APH1B: variants seen among roughly 807,000 people sequenced by gnomAD.
The protein encoded by APH1B is gamma-secretase subunit APH-1B.
In APH1B, 27 loss-of-function variants were observed where a neutral mutation model predicts 28.2. That is an observed-to-expected ratio of 0.96 (90% confidence interval 0.70 to 1.32). The LOEUF (loss-of-function observed/expected upper bound fraction) is 1.32, where lower values mean the gene tolerates loss of function less well. APH1B is among the 40% of genes most tolerant of loss of function. The pLI is 0.00. For missense variants in APH1B, 305 were observed against 313.6 expected (o/e 0.97, Z 0.21); for synonymous variants, 141 against 124.6 (o/e 1.13, Z -0.88).
intron 4 of APH1B, among the ~76,000 whole-genome samples, chr15:63,298,897 T>TAA (rs11361217): frequency 8.4e-5 from 12 of 142,992 alleles, no homozygotes; most frequent in South Asian, 2.2e-4. Flanking sequence ...GTGTTGAATG[T>TAA]AAAAAAAAAA....
intron 4 of APH1B, among the ~76,000 whole-genome samples, chr15:63,294,560 A>G (rs1156530358): frequency 6.6e-6 from 1 of 152,020 alleles, no homozygotes; most frequent in African/African-American, 2.4e-5. Context: ...CCCACTTCCC[A>G]CTTTTAGGGG....
chr15:63,302,312 T>A (rs2038639018), intron 4 of APH1B, 33 bp from the exon 5 acceptor site: 1 of 1,610,734 alleles, frequency 6.2e-7, no homozygotes, highest in Admixed American at 1.7e-5. Context: ...CTGATACCTG[T>A]AGGAGTGACA....
At chr15:63,282,154 A>G (rs566766817) in intron 2 of APH1B, among the ~76,000 whole-genome samples, 18 of 152,358 alleles carry the variant, frequency 1.2e-4, no homozygotes, top group African/African-American at 3.6e-4. Flanking sequence ...ACTGACATTT[A>G]TATGGATACA....
At chr15:63,295,817 T>C (rs2038559699) in intron 4 of APH1B, among the ~76,000 whole-genome samples, 1 of 152,222 alleles carries the variant, frequency 6.6e-6, no homozygotes, top group African/African-American at 2.4e-5. Context: ...AACTTTCTCA[T>C]AGTGGCCATT....
At chr15:63,294,431 C>T (rs1445153090) in intron 4 of APH1B, among the ~76,000 whole-genome samples, 1 of 152,174 alleles carries the variant, frequency 6.6e-6, no homozygotes, top group African/African-American at 2.4e-5. Context: ...CTCCTCCATG[C>T]CCACTTCTTA....
intron 4 of APH1B, among the ~76,000 whole-genome samples, chr15:63,298,630 G>A (rs1245125011): frequency 6.6e-6 from 1 of 152,152 alleles, no homozygotes; most frequent in Non-Finnish European, 1.5e-5. Flanking sequence ...TGGCTTATTT[G>A]TCTTTGAATC....
In APH1B at chr15:63,279,309, T is replaced by C. The variant is rs374095779; in HGVS notation, c.262T>C (p.Phe88Leu). ...VSVYIQEMFR[F>L]AYYKLLKKAS... Reference sequence around the variant, plus strand: ...TGTCTATATCCAAGAAATGTTCCGATTTGCATATTATAAACTCTTAAAGTA... The same window carrying C: ...TGTCTATATCCAAGAAATGTTCCGACTTGCATATTATAAACTCTTAAAGTA... Residue 88 changes from phenylalanine to leucine, a missense_variant, in exon 2 of 6, where the codon TTT becomes CTT. Transcript: ENST00000261879. The C allele has an allele frequency of 1.9e-5, 31 of 1,606,850 alleles. No individual in the cohort carries two copies. The highest frequency in any genetic ancestry group is 2.6e-5 in the Non-Finnish European group (31 of 1,174,430).
intron 2 of APH1B, among the ~76,000 whole-genome samples, chr15:63,281,141 AAAAC>A (rs1305409972): frequency 5.9e-5 from 9 of 152,216 alleles, no homozygotes; most frequent in Admixed American, 2.0e-4. Context: ...GTCTAAAAAA[AAAAC>A]AAACAAGCAA....
Position 63,292,861 on chromosome 15 carries a change from G to A in APH1B, c.478+5315G>A, listed in dbSNP as rs527672721. ...CACACATCACAGGCATCAGTCTTCA[G>A]GCAGTGTGTAAGCAGGCAGCTCAGT... On this transcript the variant is annotated intron_variant, in intron 4 of 5. Coordinates refer to ENST00000261879, the MANE Select transcript of APH1B (RefSeq NM_031301.4). Among the ~76,000 whole-genome samples the A allele has an allele frequency of 2.5e-3, 387 of 152,336 alleles. 1 individual carries two copies. Among genetic ancestry groups the A allele is most frequent in the Non-Finnish European group, 4.5e-3 (306 of 68,028 alleles).
intron 5 of APH1B, among the ~76,000 whole-genome samples, chr15:63,303,724 C>T (rs2038656939): frequency 6.6e-6 from 1 of 152,150 alleles, no homozygotes; most frequent in Non-Finnish European, 1.5e-5. Context: ...AACTCCTGGG[C>T]TCAAGCGATC....
chr15:63,293,005 A>T (rs552179241), intron 4 of APH1B, among the ~76,000 whole-genome samples: 2 of 152,320 alleles, frequency 1.3e-5, no homozygotes, highest in East Asian at 3.9e-4. Context: ...CCTCACACGG[A>T]TGAATGGCTA....
intron 4 of APH1B, chr15:63,291,557 A>T (rs188759939): frequency 2.6e-5 from 4 of 152,240 alleles, no homozygotes; most frequent in Non-Finnish European, 5.9e-5. Flanking sequence ...TATAGAAAGA[A>T]TGTTGTCAGT....
chr15:63,300,941 G>A (rs2038620806), intron 4 of APH1B, among the ~76,000 whole-genome samples: 1 of 152,142 alleles, frequency 6.6e-6, no homozygotes, highest in African/African-American at 2.4e-5. Flanking sequence ...GGTAATGATG[G>A]ACATATTTCA....
chr15:63,292,232 A>G (rs2038513355), intron 4 of APH1B, among the ~76,000 whole-genome samples: 1 of 152,222 alleles, frequency 6.6e-6, no homozygotes, highest in Non-Finnish European at 1.5e-5. Flanking sequence ...GATCAACAAT[A>G]GATTGTAACC....
At chr15:63,293,383 T>C (rs2038526327) in intron 4 of APH1B, among the ~76,000 whole-genome samples, 1 of 152,122 alleles carries the variant, frequency 6.6e-6, no homozygotes, top group South Asian at 2.1e-4. Flanking sequence ...GCCAGGCTGT[T>C]CTTGAACTCC....
chr15:63,292,256 C>T (rs2038513525), intron 4 of APH1B, among the ~76,000 whole-genome samples: 1 of 152,118 alleles, frequency 6.6e-6, no homozygotes, highest in South Asian at 2.1e-4. Flanking sequence ...AGTTCTTATC[C>T]TTTTATGATT....
In APH1B at chr15:63,302,415, GAA is replaced by G; in HGVS notation, c.553_554del (p.Lys185ValfsTer88). ...GIVFFDGCEKKKWGILLIVLL... is the reference protein window; with the variant it reads ...GIVFFDGCEKXKWGILLIVLL... ...TTGTATTTTTTGATGGCTGTGAGAAGAAAAAGTGGGGCATCCTCCTTATCGTT... is the reference window on the plus strand; with the variant it reads ...TTGTATTTTTTGATGGCTGTGAGAAGAAAGTGGGGCATCCTCCTTATCGTT... On this transcript the variant is annotated frameshift_variant, in exon 5 of 6. Coordinates refer to ENST00000261879, the MANE Select transcript of APH1B (RefSeq NM_031301.4). LOFTEE classifies it high-confidence loss of function. 2 of 1,614,134 alleles carry G rather than the reference GAA, an allele frequency of 1.2e-6. No homozygotes were observed. The highest frequency in any genetic ancestry group is 2.2e-5 in the South Asian group (2 of 91,082).
chr15:63,299,426 A>T (rs1203863410), intron 4 of APH1B, among the ~76,000 whole-genome samples: 2 of 151,930 alleles, frequency 1.3e-5, no homozygotes, highest in East Asian at 3.9e-4. Context: ...TGTTTTTGAG[A>T]TGGAGTCTTG....
Position 63,279,089 on chromosome 15 carries a change from T to A in APH1B, c.114-72T>A. ...CTTCCTTCTCAAGCAGGTTTTTTTT[T>A]TTTTCCTGCTTTTAAACATTATTAA... On this transcript the variant is annotated intron_variant, in intron 1 of 5. Coordinates refer to ENST00000261879, the MANE Select transcript of APH1B (RefSeq NM_031301.4). The A allele has an allele frequency of 5.6e-6, 7 of 1,261,034 alleles. No individual in the cohort carries two copies. In the South Asian group the frequency reaches 1.6e-4, roughly 28 times the overall value. 78.1% of individuals were successfully genotyped at this position (1,261,034 alleles called of 1,614,324 possible). A position where few individuals can be genotyped will look rare whatever the true frequency, so the allele number is the denominator to read the frequency against.
Sources: allele counts gnomAD v4.1 joint callset (sites outside exome capture counted in the v4.1 genomes callset), GRCh38; gene constraint gnomAD v4.1.1; transcripts MANE v1.5; gene names NCBI Gene and HGNC (gene_info 2026-07-23, HGNC 2026-07-21).